The following TET1 variants were observed in gnomAD, a reference collection of about 807,000 sequenced individuals.
The protein encoded by TET1 is tet methylcytosine dioxygenase 1.
A neutral mutation model predicts 148.7 loss-of-function variants in TET1; 13 were observed. The observed-to-expected ratio is 0.09, with a 90% CI of 0.06 to 0.14. The LOEUF (loss-of-function observed/expected upper bound fraction) is 0.14. TET1 is among the 10% of genes least tolerant of loss of function. The pLI, the probability that TET1 is intolerant of heterozygous loss-of-function variation, is 1.00. For missense variants in TET1, 2,182 were observed against 2,553.8 expected (o/e 0.85, Z 3.14); for synonymous variants, 907 against 937.2 (o/e 0.97, Z 0.59).
chr10:68,563,388 A>T (rs543859806), intron 1 of TET1, among the ~76,000 whole-genome samples: 2 of 152,320 alleles, frequency 1.3e-5, no homozygotes, highest in South Asian at 2.1e-4. Context: ...TGCCTTTTTT[A>T]AAAAATGTTT....
chr10:68,595,961 T>TATATATATATATAC (rs1388095909), intron 2 of TET1, among the ~76,000 whole-genome samples: 1 of 37,306 alleles, frequency 2.7e-5, no homozygotes, highest in African/African-American at 8.7e-5. Context: ...TATATATATA[T>TATATATATATATAC]ACACACACAC....
intron 2 of TET1, among the ~76,000 whole-genome samples, chr10:68,577,573 C>G (rs995990153): frequency 2.0e-5 from 3 of 151,936 alleles, no homozygotes; most frequent in African/African-American, 4.8e-5. Flanking sequence ...TTTGGGAGGC[C>G]AAGGCAGGCA....
chr10:68,626,604 G>A (rs1406876111), intron 3 of TET1, among the ~76,000 whole-genome samples: 1 of 151,778 alleles, frequency 6.6e-6, no homozygotes, highest in East Asian at 1.9e-4. Flanking sequence ...AGGCTGGGGT[G>A]CAGTGGCATG....
intron 1 of TET1, among the ~76,000 whole-genome samples, chr10:68,567,572 G>A (rs1352783864): frequency 2.6e-5 from 4 of 151,862 alleles, no homozygotes; most frequent in Non-Finnish European, 5.9e-5. Context: ...GGGATTACAG[G>A]CATGAGCCAC....
chr10:68,683,142 C>G (rs2055459616), intron 10 of TET1, among the ~76,000 whole-genome samples, 169 bp downstream of exon 10: 1 of 152,058 alleles, frequency 6.6e-6, no homozygotes, highest in Non-Finnish European at 1.5e-5. Context: ...TAGTGCAGGT[C>G]TTCATTAAAT....
intron 3 of TET1, among the ~76,000 whole-genome samples, chr10:68,626,587 T>C (rs2054486002): frequency 1.3e-5 from 2 of 152,024 alleles, no homozygotes; most frequent in African/African-American, 4.8e-5. Context: ...AGTCTCACTC[T>C]GTCACCAGGC....
chr10:68,633,581 G>A (rs1041740674), intron 3 of TET1, among the ~76,000 whole-genome samples: 2 of 151,792 alleles, frequency 1.3e-5, no homozygotes, highest in Non-Finnish European at 2.9e-5. Context: ...AAGTAACTGC[G>A]GTTTTTGCCA....
At position 68,644,829 on chromosome 10, in the gene TET1, C is replaced by T. The variant is rs2054814858; in HGVS notation, c.2100C>T (p.Asp700=). 4 of 1,613,850 alleles carry T rather than the reference C, an allele frequency of 2.5e-6. No homozygotes were observed. Among genetic ancestry groups the T allele is most frequent in the Non-Finnish European group, 3.4e-6 (4 of 1,179,924 alleles). The change falls in exon 4 of 12, where the codon GAC becomes GAT. Residue 700 remains aspartate, a synonymous_variant. Transcript: ENST00000373644. ...HTVENVTKNE[D]SMTGIEVEKW... Reference sequence around the variant, plus strand: ...TTGAAAATGTAACTAAAAATGAAGACAGCATGACAGGCATCGAGGTGGAGA... The same window carrying T: ...TTGAAAATGTAACTAAAAATGAAGATAGCATGACAGGCATCGAGGTGGAGA...
chr10:68,659,009 C>T (rs1589118360), intron 6 of TET1, among the ~76,000 whole-genome samples: 1 of 152,198 alleles, frequency 6.6e-6, no homozygotes, highest in African/African-American at 2.4e-5. Flanking sequence ...AGGCAGATCA[C>T]TTGAGACCAG....
intron 8 of TET1, among the ~76,000 whole-genome samples, chr10:68,680,805 A>G (rs1320086281): frequency 6.6e-6 from 1 of 152,182 alleles, no homozygotes; most frequent in Non-Finnish European, 1.5e-5. Flanking sequence ...CCACTTGCCC[A>G]CTTACTTCCT....
intron 3 of TET1, among the ~76,000 whole-genome samples, chr10:68,602,124 CA>C (rs1351962931): frequency 2.6e-5 from 4 of 152,184 alleles, no homozygotes; most frequent in Non-Finnish European, 5.9e-5. Flanking sequence ...CCTGTTTCAT[CA>C]ACCAACAAGT....
chr10:68,682,524 G>T (rs902708228), intron 9 of TET1, among the ~76,000 whole-genome samples: 1 of 152,062 alleles, frequency 6.6e-6, no homozygotes, highest in African/African-American at 2.4e-5. Flanking sequence ...TGATTAATGC[G>T]CTTTTATTGG....
In TET1 at chr10:68,657,991, T is replaced by A. The variant is rs116523919; in HGVS notation, c.4461+5397T>A. ...GAAATGAAGGTCAAAAATTTTGAACTAAGAAATCGAATATACACATACAGC... is the reference window on the plus strand; with the variant it reads ...GAAATGAAGGTCAAAAATTTTGAACAAAGAAATCGAATATACACATACAGC... On this transcript the variant is annotated intron_variant, in intron 6 of 11. Coordinates refer to ENST00000373644, the MANE Select transcript of TET1 (RefSeq NM_030625.3). 2.7e-3 allele frequency among the ~76,000 whole-genome samples: 407 copies of A among 152,308 alleles called. 1 individual carries two copies. The highest frequency in any genetic ancestry group is 9.3e-3 in the African/African-American group (387 of 41,576).
chr10:68,645,793 G>T lies in TET1; in HGVS notation c.3064G>T (p.Ala1022Ser), dbSNP rs1175135226. ...CAAGATTGACACCAATAAAAGTATT[G>T]CTCAAGGGATAATTACTCTTGACAA... ...SSKIDTNKSI[A>S]QGIITLDNCS... The change falls in exon 4 of 12, where the codon GCT becomes TCT. Residue 1022 changes from alanine to serine, a missense_variant. Physicochemically the swap from Ala to Ser is moderately conservative, Grantham distance 99 (BLOSUM62 1). This residue lies in a region of TET1 where 582 missense variants were observed against 599.5 expected (regional missense o/e 0.97). Coordinates refer to ENST00000373644, the MANE Select transcript of TET1 (RefSeq NM_030625.3). 5.0e-6 allele frequency: 8 copies of T among 1,613,730 alleles called. No individual in the cohort carries two copies. In the Admixed American group the frequency reaches 1.0e-4, roughly 20 times the overall value.
chr10:68,571,652 C>T (rs976200791), intron 1 of TET1, among the ~76,000 whole-genome samples: 1 of 151,490 alleles, frequency 6.6e-6, no homozygotes, highest in Non-Finnish European at 1.5e-5. Flanking sequence ...CCTGCCTTGG[C>T]CTCCCAAAGT....
At chr10:68,574,389 A>G in intron 2 of TET1, 137 bp downstream of exon 2, 1 of 726,772 alleles carries the variant, frequency 1.4e-6, no homozygotes, top group South Asian at 2.0e-5. Flanking sequence ...CTTTGGTACA[A>G]TGTTACTTTA....
At chr10:68,608,618 T>C (rs1006395429) in intron 3 of TET1, among the ~76,000 whole-genome samples, 13 of 152,142 alleles carry the variant, frequency 8.5e-5, no homozygotes, top group African/African-American at 3.1e-4. Context: ...CACTGCAACC[T>C]CCACCTCCGG....
rs1471729265 is a variant in TET1, at chr10:68,595,945, TATATATATATATATATAC to T, written c.1915-5034_1915-5017del. Among the ~76,000 whole-genome samples, 51 of 37,552 alleles carry T rather than the reference TATATATATATATATATAC, an allele frequency of 1.4e-3. 2 individuals carry two copies. The highest frequency in any genetic ancestry group is 3.2e-3 in the African/African-American group (37 of 11,488). 24.6% of individuals were successfully genotyped at this position (37,552 alleles called of 152,430 possible). A position where few individuals can be genotyped will look rare whatever the true frequency, so the allele number is the denominator to read the frequency against. ...ATATATATATATATATATATATATA[TATATATATATATATATAC>T]ACACACACACACACATATATACACA... On this transcript the variant is annotated intron_variant, in intron 2 of 11. Transcript: ENST00000373644.
chr10:68,672,821 T>C, intron 7 of TET1, 74 bp from the exon 8 acceptor site: 1 of 1,377,726 alleles, frequency 7.3e-7, no homozygotes, highest in Middle Eastern at 2.0e-4. Flanking sequence ...TCTAAAGCTA[T>C]AGAAACCTGA....
Sources: gnomAD v4.1 joint callset for allele counts (sites outside exome capture counted in the v4.1 genomes callset) on GRCh38, gnomAD v4.1.1 for gene constraint, gnomAD v4.1.1 regional missense constraint, MANE v1.5 for transcripts, NCBI Gene and HGNC (gene_info 2026-07-23, HGNC 2026-07-21) for gene names.